The following PLXNA2 variants were observed in gnomAD, a reference collection of about 807,000 sequenced individuals.
The protein encoded by PLXNA2 is plexin-A2.
In PLXNA2, 91 loss-of-function variants were observed where a neutral mutation model predicts 193.5. That is an observed-to-expected ratio of 0.47 (90% confidence interval 0.40 to 0.56). The LOEUF is 0.56. Among genes scored for constraint, PLXNA2 ranks in the 20% least tolerant of loss-of-function variants. PLXNA2 has a pLI of 0.00. For missense variants in PLXNA2, 1,995 were observed against 2,503.2 expected, an observed-to-expected ratio of 0.80 and a Z score of 4.33; for synonymous variants, 997 against 1,027.3, an observed-to-expected ratio of 0.97 and a Z score of 0.56.
At chr1:208,180,119 C>G (rs1669792768) in intron 3 of PLXNA2, among the ~76,000 whole-genome samples, 1 of 151,790 alleles carries the variant, frequency 6.6e-6, no homozygotes, top group Admixed American at 6.6e-5. Context: ...TTGGGTTGTT[C>G]CTCCTCCACA....
intron 1 of PLXNA2, among the ~76,000 whole-genome samples, chr1:208,228,378 C>T (rs1270993936): frequency 6.6e-6 from 1 of 152,168 alleles, no homozygotes; most frequent in Non-Finnish European, 1.5e-5. Context: ...GGCTCTTCAC[C>T]AGGAATCCTC....
chr1:208,202,122 G>A (rs1169184451), intron 3 of PLXNA2, among the ~76,000 whole-genome samples: 2 of 151,984 alleles, frequency 1.3e-5, no homozygotes, highest in Non-Finnish European at 2.9e-5. Flanking sequence ...GGGATTACAG[G>A]CACAATGCCG....
chr1:208,068,932 T>C (rs962932489), intron 12 of PLXNA2, among the ~76,000 whole-genome samples: 2 of 152,250 alleles, frequency 1.3e-5, no homozygotes, highest in African/African-American at 4.8e-5. Flanking sequence ...TGATATCTAT[T>C]GACTGGTTGT....
At chr1:208,099,067 C>T (rs557397346) in intron 5 of PLXNA2, 98 bp from the exon 6 acceptor site, 1 of 1,438,276 alleles carries the variant, frequency 7.0e-7, no homozygotes, top group Non-Finnish European at 9.5e-7. Context: ...TGCCCTGAGG[C>T]CTGTGTCCTG....
chr1:208,161,140 T>C (rs909084024), intron 3 of PLXNA2, among the ~76,000 whole-genome samples: 4 of 152,196 alleles, frequency 2.6e-5, no homozygotes, highest in African/African-American at 9.6e-5. Context: ...CAGGGTTGAT[T>C]AGTTGGGCTG....
At chr1:208,105,679 G>A (rs373517330) in intron 4 of PLXNA2, among the ~76,000 whole-genome samples, 45 of 152,120 alleles carry the variant, frequency 3.0e-4, no homozygotes, top group Admixed American at 1.8e-3. Flanking sequence ...TCTAGTGTAC[G>A]TCTCCCAGGC....
At chr1:208,079,592 G>T (rs1666268445) in intron 11 of PLXNA2, 142 bp from the exon 12 acceptor site, 1 of 635,098 alleles carries the variant, frequency 1.6e-6, no homozygotes, top group African/African-American at 1.8e-5. Context: ...TTGCAAGAAT[G>T]ACTGAGGAAT....
chr1:208,136,600 C>G (rs991542545), intron 4 of PLXNA2, among the ~76,000 whole-genome samples: 8 of 152,208 alleles, frequency 5.3e-5, no homozygotes, highest in Admixed American at 2.0e-4. Context: ...CCTGGGGCTG[C>G]CTGCCTGTAT....
chr1:208,168,427 G>C (rs375520321), intron 3 of PLXNA2, among the ~76,000 whole-genome samples: 1 of 152,168 alleles, frequency 6.6e-6, no homozygotes, highest in East Asian at 1.9e-4. Flanking sequence ...ACATCTAGGA[G>C]GGTGACCAAC....
intron 3 of PLXNA2, among the ~76,000 whole-genome samples, chr1:208,156,704 T>C (rs979957597): frequency 6.6e-5 from 10 of 152,236 alleles, no homozygotes; most frequent in Non-Finnish European, 1.3e-4. Flanking sequence ...CTGAGCCTCA[T>C]CTAAGTGCCA....
intron 29 of PLXNA2, chr1:208,030,848 A>C (rs1309590190): frequency 3.0e-6 from 3 of 985,290 alleles, no homozygotes; most frequent in African/African-American, 3.5e-5. Context: ...TCTGACCTGA[A>C]AGCCAGTCCT....
chr1:208,221,595 C>T (rs952959020), intron 1 of PLXNA2, among the ~76,000 whole-genome samples: 31 of 152,066 alleles, frequency 2.0e-4, no homozygotes, highest in African/African-American at 7.5e-4. Flanking sequence ...CAGTCTCCTG[C>T]AGTGAGGGGA....
chr1:208,070,458 G>C (rs1436994994), intron 12 of PLXNA2, among the ~76,000 whole-genome samples: 1 of 152,056 alleles, frequency 6.6e-6, no homozygotes, highest in Non-Finnish European at 1.5e-5. Context: ...AACAATGCTG[G>C]GATTGGGGAC....
At position 208,128,903 on chromosome 1, in the gene PLXNA2, G is replaced by A. The variant is rs1223967459; in HGVS notation, c.1506+13426C>T. ...TTTTTAGTAGAGACGGGGTTTCACC[G>A]TGTTAGCCAGGATGGTCTCCTGACC... On this transcript the variant is annotated intron_variant, in intron 4 of 31. Transcript: ENST00000367033. Among the ~76,000 whole-genome samples, 7 of 152,054 alleles carry A rather than the reference G, an allele frequency of 4.6e-5. No individual in the cohort carries two copies. In the East Asian group the frequency reaches 9.7e-4, roughly 21 times the overall value.
chr1:208,152,259 A>G lies in PLXNA2; in HGVS notation c.1372-9796T>C, dbSNP rs549933774. On this transcript the variant is annotated intron_variant, in intron 3 of 31. Coordinates refer to ENST00000367033, the MANE Select transcript of PLXNA2 (RefSeq NM_025179.4). Reference sequence around the variant, plus strand: ...GGAGACTCCCAGAGATTTTAAAAGAAGTCATTAAAAACACACACACACGTG... The same window carrying G: ...GGAGACTCCCAGAGATTTTAAAAGAGGTCATTAAAAACACACACACACGTG... Among the ~76,000 whole-genome samples the G allele has an allele frequency of 2.6e-5, 4 of 152,354 alleles. No homozygotes were observed. The South Asian group carries it at 8.3e-4, about 32-fold the overall frequency.
In PLXNA2 at chr1:208,041,340, G is replaced by A. The variant is rs189624443; in HGVS notation, c.4286+758C>T. On this transcript the variant is annotated intron_variant, in intron 22 of 31. Coordinates refer to ENST00000367033, the MANE Select transcript of PLXNA2 (RefSeq NM_025179.4). ...CCCAGAGGACTCCAAAGCTGTGCCCGGCTCCCCACGGCCTCTAGAGAGGGT... is the reference window on the plus strand; with the variant it reads ...CCCAGAGGACTCCAAAGCTGTGCCCAGCTCCCCACGGCCTCTAGAGAGGGT... 6.3e-3 allele frequency among the ~76,000 whole-genome samples: 955 copies of A among 152,240 alleles called. 8 individuals are homozygous for A. The highest frequency in any genetic ancestry group is 0.021 in the African/African-American group (856 of 41,542).
intron 13 of PLXNA2, among the ~76,000 whole-genome samples, chr1:208,056,555 G>A (rs1040843104): frequency 5.9e-5 from 9 of 152,140 alleles, no homozygotes; most frequent in Non-Finnish European, 1.2e-4. Context: ...TGATGGGCCA[G>A]GGCCTCTTGG....
chr1:208,028,141 G>A lies in PLXNA2; in HGVS notation c.5457C>T (p.Ala1819=). Reference sequence around the variant, plus strand: ...CCTGGTCACTGATGGCTGGGAGCTTGGCGATGTCTGCGTAGTATCTGCCAG... The same window carrying A: ...CCTGGTCACTGATGGCTGGGAGCTTAGCGATGTCTGCGTAGTATCTGCCAG... ...SWVERYYADI[A]KLPAISDQDM... is the part of the protein sequence containing the mutation. The change falls in exon 31 of 32, where the codon GCC becomes GCT. Residue 1819 remains alanine, a synonymous_variant. Coordinates refer to ENST00000367033, the MANE Select transcript of PLXNA2 (RefSeq NM_025179.4). This position sits in a 1 kb window ranked among gnomAD's most constrained non-coding sequence, Gnocchi z 4.2. The A allele has an allele frequency of 1.2e-6, 2 of 1,612,890 alleles. No individual in the cohort carries two copies. Among genetic ancestry groups the A allele is most frequent in the Non-Finnish European group, 1.7e-6 (2 of 1,179,400 alleles).
intron 4 of PLXNA2, among the ~76,000 whole-genome samples, chr1:208,131,098 C>T (rs990813512): frequency 6.6e-5 from 10 of 152,132 alleles, no homozygotes; most frequent in Non-Finnish European, 1.0e-4. Flanking sequence ...AACACCTTTC[C>T]CCTCCCTCAG....
Sources: allele counts gnomAD v4.1 joint callset (sites outside exome capture counted in the v4.1 genomes callset), GRCh38; gene constraint gnomAD v4.1.1; non-coding constraint Gnocchi (gnomAD v3.1); transcripts MANE v1.5; gene names NCBI Gene and HGNC (gene_info 2026-07-23, HGNC 2026-07-21).